XPR1: variants seen among roughly 807,000 people sequenced by gnomAD.
The protein encoded by XPR1 is xenotropic and polytropic retrovirus receptor 1, also known as solute carrier family 53 member 1.
A neutral mutation model predicts 87.5 loss-of-function variants in XPR1; 28 were observed. That is an observed-to-expected ratio of 0.32 (90% CI 0.24 to 0.44). The LOEUF (loss-of-function observed/expected upper bound fraction) is 0.44. XPR1 is among the 20% of genes least tolerant of loss of function. XPR1 has a pLI of 1.00. For missense variants in XPR1, 559 were observed against 862.3 expected, an observed-to-expected ratio of 0.65 and a Z score of 4.41; for synonymous variants, 300 against 306.1, an observed-to-expected ratio of 0.98 and a Z score of 0.21.
chr1:180,784,102 G>A (rs1164962721), intron 2 of XPR1, among the ~76,000 whole-genome samples: 3 of 151,948 alleles, frequency 2.0e-5, no homozygotes, highest in African/African-American at 7.2e-5. Context: ...ACAGCCATTT[G>A]TATAGAGATT....
At chr1:180,776,000 A>G (rs2102071695) in intron 2 of XPR1, among the ~76,000 whole-genome samples, 1 of 152,306 alleles carries the variant, frequency 6.6e-6, no homozygotes, top group East Asian at 1.9e-4. Flanking sequence ...TCTCTTACGC[A>G]ATCTAAATTT....
intron 14 of XPR1, among the ~76,000 whole-genome samples, chr1:180,882,962 G>T (rs771668591): frequency 6.7e-6 from 1 of 148,938 alleles, no homozygotes; most frequent in Admixed American, 6.7e-5. Context: ...GTTTTTTGGG[G>T]GTTGGTTGTT....
intron 3 of XPR1, among the ~76,000 whole-genome samples, chr1:180,790,783 C>T (rs1406685761): frequency 1.3e-5 from 2 of 152,004 alleles, no homozygotes; most frequent in African/African-American, 4.8e-5. Context: ...CCTCGTGATC[C>T]GCCTGCCTCA....
intron 2 of XPR1, among the ~76,000 whole-genome samples, chr1:180,720,370 T>C (rs1658140231): frequency 6.6e-6 from 1 of 152,172 alleles, no homozygotes. Context: ...TCTTTAGCCT[T>C]TTTGGAAGTT....
chr1:180,660,277 G>C (rs898617951), intron 1 of XPR1, among the ~76,000 whole-genome samples: 4 of 151,884 alleles, frequency 2.6e-5, no homozygotes, highest in Non-Finnish European at 5.9e-5. Context: ...CTGGCTGAAA[G>C]GTTTGTCAAT....
chr1:180,774,744 G>A (rs1173728269), intron 2 of XPR1, among the ~76,000 whole-genome samples: 1 of 152,022 alleles, frequency 6.6e-6, no homozygotes, highest in Non-Finnish European at 1.5e-5. Context: ...CAATATTGAT[G>A]TTCATCATAA....
chr1:180,777,207 T>C (rs1648757362), intron 2 of XPR1, among the ~76,000 whole-genome samples: 1 of 152,194 alleles, frequency 6.6e-6, no homozygotes, highest in South Asian at 2.1e-4. Flanking sequence ...TTTTCACTTC[T>C]CTGTCTCCAG....
At chr1:180,691,525 G>T (rs1656992667) in intron 2 of XPR1, among the ~76,000 whole-genome samples, 1 of 152,050 alleles carries the variant, frequency 6.6e-6, no homozygotes, top group African/African-American at 2.4e-5. Context: ...TCTGAAATTG[G>T]ATGAATAAAT....
chr1:180,690,369 CTT>C (rs1333713781), intron 2 of XPR1, among the ~76,000 whole-genome samples: 2 of 152,038 alleles, frequency 1.3e-5, no homozygotes, highest in East Asian at 3.8e-4. Context: ...CATGGAGAGT[CTT>C]TTGTTTCTGT....
At chr1:180,749,459 C>T (rs781424138) in intron 2 of XPR1, among the ~76,000 whole-genome samples, 1 of 151,968 alleles carries the variant, frequency 6.6e-6, no homozygotes, top group East Asian at 1.9e-4. Context: ...TGGACCTATA[C>T]TCATTCATTA....
intron 2 of XPR1, among the ~76,000 whole-genome samples, chr1:180,688,838 TG>T (rs1322195999): frequency 6.6e-6 from 1 of 152,198 alleles, no homozygotes; most frequent in Admixed American, 6.5e-5. Context: ...CGTGGGTAAA[TG>T]CTCACATCCT....
At chr1:180,818,667 G>A (rs1464823353) in intron 7 of XPR1, among the ~76,000 whole-genome samples, 1 of 152,026 alleles carries the variant, frequency 6.6e-6, no homozygotes, top group Non-Finnish European at 1.5e-5. Flanking sequence ...TTATTTTTGG[G>A]ACTCATGGAT....
intron 2 of XPR1, among the ~76,000 whole-genome samples, chr1:180,736,873 G>A (rs906516637): frequency 6.6e-6 from 1 of 151,994 alleles, no homozygotes; most frequent in Non-Finnish European, 1.5e-5. Flanking sequence ...CTGACAGGCC[G>A]AAAAAAGAGG....
chr1:180,816,197 A>T (rs985731277), intron 7 of XPR1, among the ~76,000 whole-genome samples: 1 of 152,130 alleles, frequency 6.6e-6, no homozygotes, highest in African/African-American at 2.4e-5. Flanking sequence ...AGGAGAGGGG[A>T]TGGTTTCAAG....
intron 9 of XPR1, among the ~76,000 whole-genome samples, chr1:180,826,398 A>C (rs1650837500): frequency 6.6e-6 from 1 of 152,152 alleles, no homozygotes; most frequent in Admixed American, 6.5e-5. Flanking sequence ...AAATTAAAAA[A>C]TTAGCTGGGT....
At chr1:180,731,530 T>C (rs1658555971) in intron 2 of XPR1, among the ~76,000 whole-genome samples, 1 of 152,196 alleles carries the variant, frequency 6.6e-6, no homozygotes, top group African/African-American at 2.4e-5. Flanking sequence ...AGTCCTTTCC[T>C]GAGGAACTCA....
chr1:180,880,057 TC>T lies in XPR1; in HGVS notation c.1809-18del, dbSNP rs1558049961. On this transcript the variant is annotated intron_variant, in intron 13 of 14. Coordinates refer to ENST00000367590, the MANE Select transcript of XPR1 (RefSeq NM_004736.4). ...TGTTACAATTTCATAAGTACTTTGA[TC>T]TACCCCATTTTGCTAAGGCGATTTG... 1 of 1,613,782 alleles carries T rather than the reference TC, an allele frequency of 6.2e-7. No individual in the cohort carries two copies. The highest frequency in any genetic ancestry group is 8.5e-7 in the Non-Finnish European group (1 of 1,179,682).
intron 2 of XPR1, among the ~76,000 whole-genome samples, chr1:180,745,075 A>T (rs1659045243): frequency 6.6e-6 from 1 of 152,202 alleles, no homozygotes; most frequent in Admixed American, 6.5e-5. Flanking sequence ...TATGGCCTAC[A>T]TGTGACCAGA....
At chr1:180,722,046 T>G (rs1468850001) in intron 2 of XPR1, among the ~76,000 whole-genome samples, 1 of 152,034 alleles carries the variant, frequency 6.6e-6, no homozygotes, top group Non-Finnish European at 1.5e-5. Context: ...GCGAATTGCT[T>G]GAGCTCAGGA....
Sources: allele counts gnomAD v4.1 joint callset (sites outside exome capture counted in the v4.1 genomes callset), GRCh38; gene constraint gnomAD v4.1.1; transcripts MANE v1.5; gene names NCBI Gene and HGNC (gene_info 2026-07-23, HGNC 2026-07-21).